The following RND1 variants were observed in gnomAD, a reference collection of about 807,000 sequenced individuals.
RND1 encodes Rho family GTPase 1.
RND1 carries 9 observed loss-of-function variants against 27.1 expected under a neutral mutation model. That is an observed-to-expected ratio of 0.33 (90% confidence interval 0.20 to 0.58). The LOEUF (loss-of-function observed/expected upper bound fraction) is 0.58. Among genes scored for constraint, RND1 ranks in the 20% least tolerant of loss-of-function variants. The pLI is 0.86. For synonymous variants in RND1, 108 were observed against 115.7 expected (o/e 0.93, Z 0.43); for missense variants, 253 against 292.2 (o/e 0.87, Z 0.98).
chr12:48,859,022 G>A (rs1208299582), intron 4 of RND1: 3 of 147,994 alleles, frequency 2.0e-5, no homozygotes, highest in East Asian at 4.0e-4. Context: ...GCAGTGGCGC[G>A]ATCTCGGCTC....
intron 4 of RND1, chr12:48,858,633 G>A (rs1938875302): frequency 6.1e-6 from 1 of 165,188 alleles, no homozygotes; most frequent in Non-Finnish European, 1.3e-5. Context: ...AGGTGGCCGG[G>A]CGCGGTGGCT....
At chr12:48,865,381 G>A (rs1296458253) in intron 1 of RND1, 1 of 500,910 alleles carries the variant, frequency 2.0e-6, no homozygotes, top group African/African-American at 1.9e-5. Context: ...AGACTCCAGG[G>A]ACGCAGGAAG....
At chr12:48,861,232 T>A (rs997943961) in intron 3 of RND1, 101 bp from the exon 4 acceptor site, 14 of 1,135,960 alleles carry the variant, frequency 1.2e-5, no homozygotes, top group Middle Eastern at 2.3e-4. Flanking sequence ...GTCACACACA[T>A]CACCTCACTC....
At chr12:48,863,545 A>T (rs10783285) in intron 2 of RND1, among the ~76,000 whole-genome samples, 1 of 151,820 alleles carries the variant, frequency 6.6e-6, no homozygotes, top group African/African-American at 2.4e-5. Context: ...ACATCATGCC[A>T]TCAAGCTGCA....
chr12:48,864,855 C>T lies in RND1; in HGVS notation c.136G>A (p.Val46Met). 1.2e-6 allele frequency: 2 copies of T among 1,613,732 alleles called. No homozygotes were observed. The highest frequency in any genetic ancestry group is 1.7e-6 in the Non-Finnish European group (2 of 1,179,664). ...DCYPETYVPTVFENYTACLET... is the reference protein window; with the variant it reads ...DCYPETYVPTMFENYTACLET... The stretch of plus-strand genomic sequence containing the variant: ...AAACAGGCTGTGTAATTTTCGAACA[C>T]GGTGGGCACATAGGTCTGTGAAAAG... Residue 46 changes from valine (V) to methionine (M), a missense_variant, in exon 2 of 5, where the codon GTG becomes ATG. Val to Met is a conservative substitution (Grantham distance 21). Coordinates refer to ENST00000309739, the MANE Select transcript of RND1 (RefSeq NM_014470.4).
chr12:48,860,236 AC>A (rs1938903216), intron 4 of RND1, among the ~76,000 whole-genome samples: 1 of 151,780 alleles, frequency 6.6e-6, no homozygotes, highest in Non-Finnish European at 1.5e-5. Flanking sequence ...GGTGCATGCC[AC>A]CACACCCAGC....
rs375514029 is a variant in RND1, at chr12:48,861,136, G to A, written c.319-5C>T. The A allele has an allele frequency of 1.2e-5, 20 of 1,603,572 alleles. No homozygotes were observed. In the African/African-American group the frequency reaches 2.5e-4, roughly 20 times the overall value. On this transcript the variant is annotated splice_region_variant and splice_polypyrimidine_tract_variant and intron_variant, in intron 3 of 4. Transcript: ENST00000309739. ...ATCTAGGATTTCTGTCCTCCACTGAGGGGTGGAGCAGGAAGAAGGGTAGGA... is the reference window on the plus strand; with the variant it reads ...ATCTAGGATTTCTGTCCTCCACTGAAGGGTGGAGCAGGAAGAAGGGTAGGA...
intron 1 of RND1, 55 bp downstream of exon 1, chr12:48,865,593 C>T (rs921736301): frequency 2.6e-6 from 4 of 1,562,660 alleles, no homozygotes; most frequent in Non-Finnish European, 3.5e-6. Context: ...GGAAATCTAC[C>T]CCAAGGCGGG....
intron 3 of RND1, among the ~76,000 whole-genome samples, chr12:48,861,751 C>T (rs1938921731): frequency 6.6e-6 from 1 of 152,184 alleles, no homozygotes; most frequent in South Asian, 2.1e-4. Flanking sequence ...TCCTCTGCTT[C>T]CTGAGTCTTC....
Position 48,857,740 on chromosome 12 carries a change from C to T in RND1, c.*256G>A, listed in dbSNP as rs981709164. On this transcript the variant is annotated 3_prime_UTR_variant, in exon 5 of 5. Coordinates refer to ENST00000309739, the MANE Select transcript of RND1 (RefSeq NM_014470.4). Reference sequence around the variant, plus strand: ...CCCCACAGCTTTCCTTCCTCTGGAGCGGGGGGGGCACTGGGGTAGTCGCCC... The same window carrying T: ...CCCCACAGCTTTCCTTCCTCTGGAGTGGGGGGGGCACTGGGGTAGTCGCCC... The T allele has an allele frequency of 2.1e-5, 7 of 341,184 alleles. No individual in the cohort carries two copies. Among genetic ancestry groups the T allele is most frequent in the Non-Finnish European group, 3.7e-5 (7 of 189,138 alleles). The allele number at this position is 341,184 out of a possible 1,614,324, so 21.1% of individuals were successfully genotyped here. A position where few individuals can be genotyped will look rare whatever the true frequency, so the allele number is the denominator to read the frequency against.
chr12:48,861,773 C>T (rs1330758975), intron 3 of RND1, among the ~76,000 whole-genome samples: 1 of 152,208 alleles, frequency 6.6e-6, no homozygotes, highest in Non-Finnish European at 1.5e-5. Flanking sequence ...ATACCACCCT[C>T]CCTTGCGGGG....
At chr12:48,858,995 G>C (rs957288027) in intron 4 of RND1, 4 of 130,026 alleles carry the variant, frequency 3.1e-5, no homozygotes. Context: ...GTCTCGCTCT[G>C]TTGCCCAGGC....
intron 4 of RND1, among the ~76,000 whole-genome samples, chr12:48,860,782 T>C (rs1938910083): frequency 6.6e-6 from 1 of 152,048 alleles, no homozygotes; most frequent in African/African-American, 2.4e-5. Context: ...ATCTTAGAAA[T>C]GTGGGCACAC....
In RND1 at chr12:48,861,150, A is replaced by C. The variant is rs1206689909; in HGVS notation, c.319-19T>G. 1 of 1,594,848 alleles carries C rather than the reference A, an allele frequency of 6.3e-7. No homozygotes were observed. Among genetic ancestry groups the C allele is most frequent in the African/African-American group, 1.3e-5 (1 of 74,450 alleles). On this transcript the variant is annotated intron_variant, in intron 3 of 4. Transcript: ENST00000309739. The stretch of plus-strand genomic sequence containing the variant: ...TCCTCCACTGAGGGGTGGAGCAGGA[A>C]GAAGGGTAGGAGAAGGAGGAAGGAA...
At chr12:48,865,207 A>T (rs1434664254) in intron 1 of RND1, among the ~76,000 whole-genome samples, 1 of 152,098 alleles carries the variant, frequency 6.6e-6, no homozygotes, top group Non-Finnish European at 1.5e-5. Flanking sequence ...ATCCTAGCTC[A>T]TCTCCTCTCA....
intron 2 of RND1, 189 bp from the exon 3 acceptor site, chr12:48,862,307 C>G: frequency 1.9e-6 from 1 of 529,350 alleles, no homozygotes; most frequent in Non-Finnish European, 3.3e-6. Context: ...ATATCATCCC[C>G]CTTAGTCCAG....
intron 3 of RND1, among the ~76,000 whole-genome samples, chr12:48,861,588 C>T (rs1938919920): frequency 6.6e-6 from 1 of 152,150 alleles, no homozygotes; most frequent in Admixed American, 6.5e-5. Flanking sequence ...TGGATCTGCC[C>T]AGACCTAAGC....
rs1462418063 is a variant in RND1 at position 48,865,629 on chromosome 12, G to T, written c.120+19C>A. ...CAGGCAGGGAGAAAAGCCGGCCAGC[G>T]GGCGGGCGGGCAGCTCACCTCTGGA... On this transcript the variant is annotated intron_variant, in intron 1 of 4. Transcript: ENST00000309739. 1.9e-6 allele frequency: 3 copies of T among 1,604,358 alleles called. No individual in the cohort carries two copies. Among genetic ancestry groups the T allele is most frequent in the Non-Finnish European group, 2.6e-6 (3 of 1,175,536 alleles).
chr12:48,860,953 C>G, intron 4 of RND1, 44 bp downstream of exon 4: 1 of 1,611,604 alleles, frequency 6.2e-7, no homozygotes, highest in Non-Finnish European at 8.5e-7. Context: ...TGCCTCTAGC[C>G]TTCCTCACTC....
Sources: allele counts gnomAD v4.1 joint callset (sites outside exome capture counted in the v4.1 genomes callset), GRCh38; gene constraint gnomAD v4.1.1; transcripts MANE v1.5; gene names NCBI Gene and HGNC (gene_info 2026-07-23, HGNC 2026-07-21).